The following SCMH1 variants were observed in gnomAD, a reference collection of about 807,000 sequenced individuals.
SCMH1 encodes polycomb protein SCMH1.
SCMH1 carries 37 observed loss-of-function variants against 70.8 expected under a neutral mutation model. The observed-to-expected ratio is 0.52, with a 90% CI of 0.40 to 0.69. The LOEUF is 0.69. Ranked by LOEUF, SCMH1 falls within the 30% of genes least tolerant of loss-of-function variation. The pLI is 0.00. For synonymous variants in SCMH1, 292 were observed against 307.4 expected, an observed-to-expected ratio of 0.95 and a Z score of 0.52; for missense variants, 607 against 827.3, an observed-to-expected ratio of 0.73 and a Z score of 3.27.
At chr1:41,203,895 G>A (rs574888655) in intron 1 of SCMH1, among the ~76,000 whole-genome samples, 4 of 152,144 alleles carry the variant, frequency 2.6e-5, no homozygotes, top group East Asian at 1.9e-4. Context: ...ATCTCTGTTC[G>A]GGGCTCTCAG....
At chr1:41,121,246 T>C (rs1210982538) in intron 6 of SCMH1, among the ~76,000 whole-genome samples, 15 of 152,186 alleles carry the variant, frequency 9.9e-5, no homozygotes, top group Non-Finnish European at 2.1e-4. Flanking sequence ...TTTGTAACTA[T>C]AGATGAAAAA....
chr1:41,240,634 AG>A, intron 1 of SCMH1, among the ~76,000 whole-genome samples: 1 of 152,196 alleles, frequency 6.6e-6, no homozygotes, highest in South Asian at 2.1e-4. Context: ...TACATTAGTT[AG>A]CAACATTTGA....
At chr1:41,095,448 G>T (rs185106925) in intron 8 of SCMH1, among the ~76,000 whole-genome samples, 1 of 152,134 alleles carries the variant, frequency 6.6e-6, no homozygotes, top group African/African-American at 2.4e-5. Flanking sequence ...GACAGCACAC[G>T]TATTGGGCAG....
intron 8 of SCMH1, among the ~76,000 whole-genome samples, chr1:41,107,881 G>C (rs574388868): frequency 6.6e-6 from 1 of 152,112 alleles, no homozygotes; most frequent in Non-Finnish European, 1.5e-5. Flanking sequence ...GCATAATTTC[G>C]TATGTGGTTT....
intron 1 of SCMH1, among the ~76,000 whole-genome samples, chr1:41,222,783 G>C (rs978122190): frequency 3.3e-5 from 5 of 152,170 alleles, no homozygotes; most frequent in African/African-American, 1.2e-4. Flanking sequence ...AACAGAAAGT[G>C]AGAATGGAAA....
intron 7 of SCMH1, among the ~76,000 whole-genome samples, chr1:41,115,806 T>TA (rs1670322679): frequency 6.6e-6 from 1 of 152,200 alleles, no homozygotes; most frequent in Admixed American, 6.5e-5. Flanking sequence ...TTTTAAAAAT[T>TA]AAAAAATTTG....
intron 8 of SCMH1, among the ~76,000 whole-genome samples, chr1:41,090,805 T>A (rs563219857): frequency 2.0e-5 from 3 of 152,076 alleles, no homozygotes; most frequent in African/African-American, 7.2e-5. Context: ...TTTGGGAGGC[T>A]GAGGCGGGTG....
intron 8 of SCMH1, among the ~76,000 whole-genome samples, chr1:41,112,269 A>C (rs1464064111): frequency 6.6e-6 from 1 of 152,212 alleles, no homozygotes; most frequent in African/African-American, 2.4e-5. Context: ...GTGCTCAATA[A>C]ATATTTGGCT....
At chr1:41,115,899 T>C (rs1020185338) in intron 7 of SCMH1, among the ~76,000 whole-genome samples, 1 of 152,258 alleles carries the variant, frequency 6.6e-6, no homozygotes, top group East Asian at 1.9e-4. Flanking sequence ...ATACATAGCA[T>C]ATAGCTAGAT....
At chr1:41,032,613 T>G (rs1469825763) in intron 13 of SCMH1, among the ~76,000 whole-genome samples, 1 of 152,070 alleles carries the variant, frequency 6.6e-6, no homozygotes, top group Non-Finnish European at 1.5e-5. Context: ...TGAACCAACT[T>G]GCAATAAGAA....
intron 12 of SCMH1, among the ~76,000 whole-genome samples, chr1:41,039,969 A>T (rs1468417388): frequency 6.6e-6 from 1 of 151,646 alleles, no homozygotes; most frequent in Non-Finnish European, 1.5e-5. Flanking sequence ...TTTTTTTAAA[A>T]AAAGGAGTTC....
At chr1:41,158,848 C>T (rs18996) in intron 4 of SCMH1, among the ~76,000 whole-genome samples, 84,978 of 151,952 alleles carry the variant, frequency 0.56, 25,864 homozygotes, top group African/African-American at 0.82. Context: ...GTCCCTAGAG[C>T]TTCTCTCTAA....
chr1:41,104,027 T>C (rs917735725), intron 8 of SCMH1, among the ~76,000 whole-genome samples: 2 of 152,206 alleles, frequency 1.3e-5, no homozygotes, highest in Non-Finnish European at 2.9e-5. Flanking sequence ...TTATTTTTCC[T>C]GACCAAAATA....
chr1:41,071,808 G>A (rs1656622765), intron 9 of SCMH1, among the ~76,000 whole-genome samples: 2 of 151,986 alleles, frequency 1.3e-5, no homozygotes, highest in South Asian at 4.2e-4. Context: ...GACTACAGGT[G>A]TGTGCCAGCA....
At chr1:41,084,528 G>A (rs2148970406) in intron 8 of SCMH1, among the ~76,000 whole-genome samples, 1 of 152,230 alleles carries the variant, frequency 6.6e-6, no homozygotes, top group Admixed American at 6.5e-5. Context: ...CACTGTTGGT[G>A]GTACGGTAAA....
At chr1:41,125,681 C>T (rs184089727) in intron 6 of SCMH1, among the ~76,000 whole-genome samples, 1 of 151,914 alleles carries the variant, frequency 6.6e-6, no homozygotes, top group East Asian at 1.9e-4. Flanking sequence ...CAAGGGGATA[C>T]TCCCACCTCA....
chr1:41,139,555 C>T (rs1434388082), intron 6 of SCMH1, among the ~76,000 whole-genome samples: 2 of 152,122 alleles, frequency 1.3e-5, no homozygotes, highest in Non-Finnish European at 2.9e-5. Context: ...TTAATAGCCT[C>T]TCAAATGCTT....
chr1:41,210,403 C>T (rs1656724828), intron 1 of SCMH1, among the ~76,000 whole-genome samples: 1 of 152,176 alleles, frequency 6.6e-6, no homozygotes, highest in African/African-American at 2.4e-5. Context: ...ATAGACAAGA[C>T]AATCCTAAGC....
chr1:41,135,586 A>G (rs532916066), intron 6 of SCMH1, among the ~76,000 whole-genome samples: 2 of 152,314 alleles, frequency 1.3e-5, no homozygotes, highest in South Asian at 4.1e-4. Context: ...ACTGTGAGTC[A>G]ATTAAACCTC....
Sources: gnomAD v4.1 joint callset for allele counts (sites outside exome capture counted in the v4.1 genomes callset) on GRCh38, gnomAD v4.1.1 for gene constraint, MANE v1.5 for transcripts, NCBI Gene and HGNC (gene_info 2026-07-23, HGNC 2026-07-21) for gene names.